SMARCC1: variants seen among roughly 807,000 people sequenced by gnomAD.
The protein encoded by SMARCC1 is SWI/SNF complex subunit SMARCC1.
In SMARCC1, 43 loss-of-function variants were observed where a neutral mutation model predicts 147.4. The ratio of observed to expected loss-of-function variants is 0.29; its 90% CI spans 0.23 to 0.38. SMARCC1 has a LOEUF of 0.38. Ranked by LOEUF, SMARCC1 falls within the 10% of genes least tolerant of loss-of-function variation. SMARCC1 has a pLI of 1.00. For missense variants in SMARCC1, 1,119 were observed against 1,381.1 expected (o/e 0.81, Z 3.01); for synonymous variants, 495 against 484.4 (o/e 1.02, Z -0.29).
intron 2 of SMARCC1, among the ~76,000 whole-genome samples, chr3:47,755,053 A>G (rs887556509): frequency 6.6e-6 from 1 of 151,488 alleles, no homozygotes; most frequent in Non-Finnish European, 1.5e-5. Flanking sequence ...AAAAATAAAT[A>G]AATAAAAATT....
intron 3 of SMARCC1, among the ~76,000 whole-genome samples, chr3:47,743,339 G>A (rs955639245): frequency 1.3e-5 from 2 of 152,172 alleles, no homozygotes; most frequent in African/African-American, 4.8e-5. Context: ...CTGCATAAAA[G>A]ACTTGGAAAA....
At chr3:47,755,038 G>A (rs2034674198) in intron 2 of SMARCC1, among the ~76,000 whole-genome samples, 1 of 151,820 alleles carries the variant, frequency 6.6e-6, no homozygotes, top group Non-Finnish European at 1.5e-5. Flanking sequence ...GCAAGACTCT[G>A]TCTCAAAAAT....
intron 2 of SMARCC1, among the ~76,000 whole-genome samples, chr3:47,753,817 A>G (rs1443257764): frequency 2.0e-5 from 3 of 152,040 alleles, no homozygotes; most frequent in Non-Finnish European, 4.4e-5. Flanking sequence ...GTTTAGGTCT[A>G]TCAGTCAATA....
intron 25 of SMARCC1, among the ~76,000 whole-genome samples, chr3:47,619,897 C>T (rs572040919): frequency 6.6e-6 from 1 of 152,258 alleles, no homozygotes; most frequent in African/African-American, 2.4e-5. Flanking sequence ...AGGTACTGGG[C>T]TACTCATCAT....
At chr3:47,621,818 T>TAA (rs775171684) in intron 25 of SMARCC1, among the ~76,000 whole-genome samples, 5 of 129,536 alleles carry the variant, frequency 3.9e-5, no homozygotes, top group Non-Finnish European at 3.3e-5. Context: ...ATTAAAACTT[T>TAA]AAAAAAAAAA....
At position 47,710,763 on chromosome 3, in the gene SMARCC1, T is replaced by C. The variant is rs1164221481; in HGVS notation, c.838A>G (p.Met280Val). 1 of 1,612,846 alleles carries C rather than the reference T, an allele frequency of 6.2e-7. No individual in the cohort carries two copies. The highest frequency in any genetic ancestry group is 8.5e-7 in the Non-Finnish European group (1 of 1,179,218). Residue 280 changes from methionine to valine, a missense_variant, in exon 9 of 28, where the codon ATG becomes GTG. This residue lies in a region of SMARCC1 where 542 missense variants were observed against 611.8 expected (regional missense o/e 0.89). Transcript: ENST00000254480. Reference sequence around the variant, plus strand: ...TCCACCTCATAATCCTCCTCATTCATCCATTCATTGAAAATATCAGTGTCC... The same window carrying C: ...TCCACCTCATAATCCTCCTCATTCACCCATTCATTGAAAATATCAGTGTCC... ...ILDTDIFNEW[M>V]NEEDYEVDEN...
chr3:47,642,127 C>CA (rs377024530), intron 21 of SMARCC1, among the ~76,000 whole-genome samples: 11 of 150,880 alleles, frequency 7.3e-5, no homozygotes, highest in South Asian at 2.1e-4. Flanking sequence ...TAAAAGACTC[C>CA]AAAAAAAAGA....
rs2032094572 is a variant in SMARCC1 at position 47,587,719 on chromosome 3, T to G, written c.*490A>C. 6.4e-6 allele frequency: 1 copy of G among 155,236 alleles called. No homozygotes were observed. Among genetic ancestry groups the G allele is most frequent in the South Asian group, 2.0e-4 (1 of 5,014 alleles). 9.6% of individuals were successfully genotyped at this position (155,236 alleles called of 1,614,324 possible). On this transcript the variant is annotated 3_prime_UTR_variant, in exon 28 of 28. Transcript: ENST00000254480. ...TTATAATGCCTTAAGGTTTGTCCCC[T>G]GTGGCTATTCCCCCCCTTCTGCCCA...
intron 5 of SMARCC1, among the ~76,000 whole-genome samples, chr3:47,733,561 T>G (rs2034402051): frequency 6.6e-6 from 1 of 151,480 alleles, no homozygotes; most frequent in African/African-American, 2.4e-5. Flanking sequence ...TCCAATATGG[T>G]GAAACCCCGT....
At chr3:47,671,784 C>T (rs1291316455) in intron 18 of SMARCC1, among the ~76,000 whole-genome samples, 3 of 152,158 alleles carry the variant, frequency 2.0e-5, no homozygotes, top group Non-Finnish European at 4.4e-5. Context: ...TTCCCTCTCT[C>T]AAAACTCTAT....
At chr3:47,781,488 TTTG>T in intron 1 of SMARCC1, 112 bp downstream of exon 1, 2 of 669,480 alleles carry the variant, frequency 3.0e-6, no homozygotes, top group Non-Finnish European at 4.3e-6. Context: ...GGCGCCTGCC[TTTG>T]TTGTCCCTCG....
chr3:47,719,096 G>A (rs1395942933), intron 7 of SMARCC1, among the ~76,000 whole-genome samples: 1 of 151,518 alleles, frequency 6.6e-6, no homozygotes, highest in African/African-American at 2.4e-5. Context: ...TGTATTTTTA[G>A]TAGAGACGGG....
At chr3:47,757,566 G>A (rs1463764162) in intron 2 of SMARCC1, among the ~76,000 whole-genome samples, 1 of 152,026 alleles carries the variant, frequency 6.6e-6, no homozygotes, top group Non-Finnish European at 1.5e-5. Context: ...CATGAGGTCA[G>A]GAGATCGAGA....
At chr3:47,763,738 T>C (rs1392506182) in intron 2 of SMARCC1, among the ~76,000 whole-genome samples, 2 of 151,838 alleles carry the variant, frequency 1.3e-5, no homozygotes, top group Non-Finnish European at 2.9e-5. Context: ...GTTTTTTTTC[T>C]CAAACAGGGA....
intron 2 of SMARCC1, among the ~76,000 whole-genome samples, chr3:47,748,068 G>T (rs1394711138): frequency 6.6e-6 from 1 of 152,056 alleles, no homozygotes; most frequent in Non-Finnish European, 1.5e-5. Context: ...TGAGGCAGGA[G>T]AATCGCTTGA....
intron 26 of SMARCC1, among the ~76,000 whole-genome samples, chr3:47,592,986 T>C (rs1283115792): frequency 1.6e-4 from 24 of 151,340 alleles, no homozygotes. Flanking sequence ...TGCCTGGCTC[T>C]TTTTTTTATT....
intron 21 of SMARCC1, among the ~76,000 whole-genome samples, chr3:47,639,856 G>T (rs779615420): frequency 1.2e-4 from 19 of 152,098 alleles, no homozygotes; most frequent in Non-Finnish European, 2.2e-4. Context: ...GAGCAGATAT[G>T]AACACAGAAA....
At chr3:47,697,025 G>A (rs146143654) in intron 11 of SMARCC1, among the ~76,000 whole-genome samples, 144 of 152,252 alleles carry the variant, frequency 9.5e-4, no homozygotes, top group African/African-American at 3.3e-3. Context: ...CTCTGCCATA[G>A]ATTTTAATTA....
In SMARCC1 at chr3:47,706,447, C is replaced by T. The variant is rs1203868979; in HGVS notation, c.1002G>A (p.Pro334=). The change falls in exon 10 of 28, where the codon CCG becomes CCA. Residue 334 remains proline, a synonymous_variant. Coordinates refer to ENST00000254480, the MANE Select transcript of SMARCC1 (RefSeq NM_003074.4). ...TCTTCTTCCGTGATTCTGTTGGTGT[C>T]GGAGGGGGAGGCGAAGGCGAATGTT... The part of the protein sequence containing the change: ...KRKHSPSPPP[P]TPTESRKKSG... 5.1e-6 allele frequency: 8 copies of T among 1,579,322 alleles called. No individual in the cohort carries two copies. The African/African-American group carries it at 5.5e-5, about 11-fold the overall frequency.
Sources: allele counts gnomAD v4.1 joint callset (sites outside exome capture counted in the v4.1 genomes callset), GRCh38; gene constraint gnomAD v4.1.1; regional missense constraint gnomAD v4.1.1; transcripts MANE v1.5; gene names NCBI Gene and HGNC (gene_info 2026-07-23, HGNC 2026-07-21).